Variants in NRXN3 observed in about 807,000 individuals in gnomAD.
The protein encoded by NRXN3 is neurexin 3.
A neutral mutation model predicts 137.6 loss-of-function variants in NRXN3; 32 were observed. That is an observed-to-expected ratio of 0.23 (90% CI 0.18 to 0.31). NRXN3 has a LOEUF of 0.31. Ranked by LOEUF, NRXN3 falls within the 10% of genes least tolerant of loss-of-function variation. The pLI is 1.00. For synonymous variants in NRXN3, 798 were observed against 784.5 expected (o/e 1.02, Z -0.29); for missense variants, 1,574 against 2,062.5 (o/e 0.76, Z 4.59).
chr14:79,322,875 A>G (rs2090263074), intron 15 of NRXN3, among the ~76,000 whole-genome samples: 1 of 152,198 alleles, frequency 6.6e-6, no homozygotes, highest in Non-Finnish European at 1.5e-5. Context: ...TGCTTTCACA[A>G]ACAAGAAGGC....
chr14:78,583,491 A>G (rs541413651), intron 4 of NRXN3, among the ~76,000 whole-genome samples: 2 of 152,194 alleles, frequency 1.3e-5, no homozygotes, highest in South Asian at 2.1e-4. Flanking sequence ...TAGGCTCTCA[A>G]CTTATTAAAT....
chr14:79,652,448 G>A (rs1271715106), intron 16 of NRXN3, among the ~76,000 whole-genome samples: 1 of 152,132 alleles, frequency 6.6e-6, no homozygotes, highest in African/African-American at 2.4e-5. Context: ...GGCTTACAGT[G>A]CCTGCCATAT....
chr14:78,923,143 C>G (rs2099275656), intron 10 of NRXN3, among the ~76,000 whole-genome samples: 1 of 152,178 alleles, frequency 6.6e-6, no homozygotes, highest in Non-Finnish European at 1.5e-5. Flanking sequence ...GCCTTGAGTG[C>G]TGCCTCGAGC....
At chr14:79,738,854 C>T (rs1260802623) in intron 19 of NRXN3, among the ~76,000 whole-genome samples, 2 of 152,162 alleles carry the variant, frequency 1.3e-5, no homozygotes, top group African/African-American at 4.8e-5. Context: ...CCACTGCGCC[C>T]AGCCAAATGT....
intron 4 of NRXN3, among the ~76,000 whole-genome samples, chr14:78,579,452 C>T (rs959668539): frequency 2.0e-5 from 3 of 151,840 alleles, no homozygotes; most frequent in Non-Finnish European, 2.9e-5. Context: ...TCAGATTTAA[C>T]TGCTAACCAT....
intron 6 of NRXN3, among the ~76,000 whole-genome samples, chr14:78,680,322 C>G (rs1020834089): frequency 3.3e-5 from 5 of 152,026 alleles, no homozygotes; most frequent in African/African-American, 9.7e-5. Context: ...CAACAAATCC[C>G]CATGACACAA....
Position 78,618,978 on chromosome 14 carries a change from A to ATGGCTG in NRXN3, c.758-26139_758-26134dup, listed in dbSNP as rs2097372499. Among the ~76,000 whole-genome samples, 13 of 152,274 alleles carry ATGGCTG rather than the reference A, an allele frequency of 8.5e-5. No homozygotes were observed. The South Asian group carries it at 2.7e-3, about 32-fold the overall frequency. On this transcript the variant is annotated intron_variant, in intron 4 of 20. Transcript: ENST00000335750. ...ACTTTATGTATGACCCCTTAATGCA[A>ATGGCTG]TGGCTGTGTTCTACCAGTTGATTTG...
intron 10 of NRXN3, among the ~76,000 whole-genome samples, chr14:78,933,585 GTACAA>G (rs1156659687): frequency 6.6e-6 from 1 of 152,102 alleles, no homozygotes; most frequent in Non-Finnish European, 1.5e-5. Flanking sequence ...TATTTATAGT[GTACAA>G]CATGATGCTT....
intron 15 of NRXN3, among the ~76,000 whole-genome samples, chr14:79,321,686 G>A (rs2090050015): frequency 6.6e-6 from 1 of 150,920 alleles, no homozygotes; most frequent in South Asian, 2.1e-4. Context: ...ACTAGTATAA[G>A]GAATGCTGCA....
intron 15 of NRXN3, among the ~76,000 whole-genome samples, chr14:79,159,779 C>T (rs1438995512): frequency 6.6e-6 from 1 of 151,868 alleles, no homozygotes; most frequent in African/African-American, 2.4e-5. Flanking sequence ...ACTTTTAAAA[C>T]AAATGCCTTT....
chr14:78,866,868 G>T (rs1163494879), intron 10 of NRXN3, among the ~76,000 whole-genome samples: 1 of 148,502 alleles, frequency 6.7e-6, no homozygotes, highest in African/African-American at 2.5e-5. Context: ...CACGGTCTCG[G>T]CTCGTTGTAA....
chr14:79,638,955 T>G (rs1467548359), intron 16 of NRXN3, among the ~76,000 whole-genome samples: 1 of 152,204 alleles, frequency 6.6e-6, no homozygotes, highest in East Asian at 1.9e-4. Flanking sequence ...TGGACAGAAC[T>G]GAATTGCCAG....
intron 16 of NRXN3, among the ~76,000 whole-genome samples, chr14:79,594,275 G>A (rs541798933): frequency 4.5e-4 from 68 of 152,130 alleles, no homozygotes; most frequent in African/African-American, 1.5e-3. Flanking sequence ...GTGAGAAGAG[G>A]GCTAATCATA....
intron 16 of NRXN3, among the ~76,000 whole-genome samples, chr14:79,650,620 C>T (rs1276685428): frequency 6.6e-6 from 1 of 152,138 alleles, no homozygotes; most frequent in African/African-American, 2.4e-5. Flanking sequence ...GTATCGTTTA[C>T]ACTCTTGAGG....
chr14:78,824,363 A>G (rs79067077), intron 10 of NRXN3, among the ~76,000 whole-genome samples: 2,786 of 152,248 alleles, frequency 0.018, 89 homozygotes, highest in African/African-American at 0.063. Flanking sequence ...TTCCATGAGT[A>G]TCTTCAGAAC....
chr14:79,573,735 A>T (rs1055836559), intron 16 of NRXN3, among the ~76,000 whole-genome samples: 4 of 151,910 alleles, frequency 2.6e-5, no homozygotes, highest in Non-Finnish European at 4.4e-5. Flanking sequence ...ATAATAATGA[A>T]GTTGTCTTGG....
rs2099414688 is a variant in NRXN3 at position 79,862,095 on chromosome 14, G to T, written c.*131G>T. 2 of 786,636 alleles carry T rather than the reference G, an allele frequency of 2.5e-6. No individual in the cohort carries two copies. The highest frequency in any genetic ancestry group is 5.7e-5 in the Admixed American group (2 of 34,790). The allele number at this position is 786,636 out of a possible 1,614,324, so 48.7% of individuals were successfully genotyped here. A position where few individuals can be genotyped will look rare whatever the true frequency, so the allele number is the denominator to read the frequency against. On this transcript the variant is annotated 3_prime_UTR_variant, in exon 21 of 21. Transcript: ENST00000335750. The stretch of plus-strand genomic sequence containing the variant: ...AAATGGGGTATATAACCACGACTCT[G>T]GTGGGGAAAACCGTTTTTTAAAGGA...
intron 16 of NRXN3, among the ~76,000 whole-genome samples, chr14:79,611,202 G>A (rs963171192): frequency 6.6e-6 from 1 of 152,178 alleles, no homozygotes; most frequent in African/African-American, 2.4e-5. Flanking sequence ...TTGCTAAAGA[G>A]ATAGAAGTAA....
chr14:78,891,226 A>G (rs1414930250), intron 10 of NRXN3, among the ~76,000 whole-genome samples: 3 of 151,884 alleles, frequency 2.0e-5, no homozygotes, highest in South Asian at 2.1e-4. Flanking sequence ...AGCCTTCTCA[A>G]TGTATTTACT....
Sources: gnomAD v4.1 joint callset for allele counts (sites outside exome capture counted in the v4.1 genomes callset) on GRCh38, gnomAD v4.1.1 for gene constraint, MANE v1.5 for transcripts, NCBI Gene and HGNC (gene_info 2026-07-23, HGNC 2026-07-21) for gene names.